Variants in RARB observed in about 807,000 individuals in gnomAD.
RARB encodes the protein HBV-activated protein.
RARB carries 17 observed loss-of-function variants against 51.9 expected under a neutral mutation model. The ratio of observed to expected loss-of-function variants is 0.33; its 90% CI spans 0.22 to 0.49. RARB has a LOEUF of 0.49. Among genes scored for constraint, RARB ranks in the 20% least tolerant of loss-of-function variants. The pLI is 0.99. For synonymous variants in RARB, 215 were observed against 195.4 expected, an observed-to-expected ratio of 1.10 and a Z score of -0.84; for missense variants, 369 against 550.8, an observed-to-expected ratio of 0.67 and a Z score of 3.30.
At chr3:25,104,470 C>T (rs182583259) in intron 3 of RARB, among the ~76,000 whole-genome samples, 119 of 152,110 alleles carry the variant, frequency 7.8e-4, no homozygotes, top group South Asian at 2.3e-3. Flanking sequence ...GGGGGAAAAC[C>T]CATCTCTACT....
chr3:24,865,254 CGT>C (rs1702825402), intron 2 of RARB, among the ~76,000 whole-genome samples: 1 of 152,042 alleles, frequency 6.6e-6, no homozygotes, highest in African/African-American at 2.4e-5. Context: ...CGGAAATTTA[CGT>C]GCACTCAAGT....
At position 25,147,896 on chromosome 3, in the gene RARB, TTCTTCCTAC is replaced by T. The variant is rs111397606; in HGVS notation, c.-280+15689_-280+15697del. 5.9e-5 allele frequency among the ~76,000 whole-genome samples: 9 copies of T among 152,350 alleles called. 1 individual carries two copies. The highest frequency in any genetic ancestry group is 2.2e-4 in the African/African-American group (9 of 41,572). Reference sequence around the variant, plus strand: ...CATACCCTTTCATATTGTCTCCCTCTTCTTCCTACATTGAATACATCTGTAATTGTGAGG... The same window carrying T: ...CATACCCTTTCATATTGTCTCCCTCTATTGAATACATCTGTAATTGTGAGG... On this transcript the variant is annotated intron_variant, in intron 4 of 11. Coordinates refer to the RARB transcript ENST00000383772.
At chr3:25,555,612 C>T (rs1011236372) in intron 3 of RARB, 2 of 152,158 alleles carry the variant, frequency 1.3e-5, no homozygotes. Context: ...TGAATGATCA[C>T]ATTAAGAATT....
At chr3:25,213,368 T>A (rs1701744934) in intron 5 of RARB, among the ~76,000 whole-genome samples, 1 of 152,194 alleles carries the variant, frequency 6.6e-6, no homozygotes, top group South Asian at 2.1e-4. Flanking sequence ...GTTTTTGGGA[T>A]TTATTCATAT....
chr3:25,041,313 C>T lies in RARB; in HGVS notation c.-379-18812C>T, dbSNP rs1001408560. The stretch of plus-strand genomic sequence containing the variant: ...TATTTGATGAATTTTTCTACTGATA[C>T]ATATGATTCACAAGTTTTTTTCAAG... On this transcript the variant is annotated intron_variant, in intron 2 of 11. Coordinates refer to the RARB transcript ENST00000383772. Among the ~76,000 whole-genome samples the T allele has an allele frequency of 2.6e-5, 4 of 152,234 alleles. No individual in the cohort carries two copies. In the East Asian group the frequency reaches 7.7e-4, roughly 29 times the overall value.
intron 3 of RARB, among the ~76,000 whole-genome samples, chr3:25,527,594 G>A (rs1410951101): frequency 6.6e-6 from 1 of 152,158 alleles, no homozygotes; most frequent in Non-Finnish European, 1.5e-5. Context: ...GTTCATACAT[G>A]CTTGTACATG....
At chr3:25,005,488 G>T (rs976524080) in intron 2 of RARB, among the ~76,000 whole-genome samples, 1 of 152,140 alleles carries the variant, frequency 6.6e-6, no homozygotes, top group Non-Finnish European at 1.5e-5. Context: ...TAGGCAGAAA[G>T]TTCCTCACTA....
At chr3:25,486,216 A>G (rs1435328454) in intron 2 of RARB, among the ~76,000 whole-genome samples, 2 of 152,200 alleles carry the variant, frequency 1.3e-5, no homozygotes, top group African/African-American at 4.8e-5. Flanking sequence ...GCTAAGGCTT[A>G]TGTTGGAGAC....
intron 4 of RARB, among the ~76,000 whole-genome samples, chr3:25,163,811 A>T (rs774854257): frequency 1.4e-4 from 21 of 152,070 alleles, no homozygotes; most frequent in Non-Finnish European, 2.5e-4. Flanking sequence ...ACTCTATTCC[A>T]CTAAATTCAG....
chr3:24,957,449 C>T (rs953659278), intron 2 of RARB, among the ~76,000 whole-genome samples: 10 of 152,258 alleles, frequency 6.6e-5, no homozygotes, highest in South Asian at 2.1e-4. Flanking sequence ...AGTGGAGAGA[C>T]GTCAAATGTT....
At position 24,971,016 on chromosome 3, in the gene RARB, G is replaced by A. The variant is rs548355880; in HGVS notation, c.-379-89109G>A. Among the ~76,000 whole-genome samples the A allele has an allele frequency of 9.2e-5, 14 of 151,946 alleles. No individual in the cohort carries two copies. The South Asian group carries it at 2.5e-3, about 27-fold the overall frequency. ...TCATCTTGGTGCTCCCAGTATCATCGTTCTAGTATTCCAATGTACTTTATT... is the reference window on the plus strand; with the variant it reads ...TCATCTTGGTGCTCCCAGTATCATCATTCTAGTATTCCAATGTACTTTATT... On this transcript the variant is annotated intron_variant, in intron 2 of 11. Coordinates refer to the RARB transcript ENST00000383772.
intron 1 of RARB, among the ~76,000 whole-genome samples, chr3:24,829,752 G>C (rs1702255096): frequency 6.6e-6 from 1 of 152,202 alleles, no homozygotes; most frequent in South Asian, 2.1e-4. Context: ...CCCTCCCCAG[G>C]GGCGTGAACC....
intron 4 of RARB, among the ~76,000 whole-genome samples, chr3:25,159,252 C>G (rs1408752470): frequency 6.7e-6 from 1 of 149,336 alleles, no homozygotes; most frequent in African/African-American, 2.5e-5. Context: ...CAACCTCCAC[C>G]TCCCCCTCCC....
chr3:25,409,625 A>C (rs546426604), intron 5 of RARB, among the ~76,000 whole-genome samples: 1 of 152,312 alleles, frequency 6.6e-6, no homozygotes, highest in East Asian at 1.9e-4. Flanking sequence ...TGAAAATTTA[A>C]AAGCACCAAA....
chr3:25,312,267 T>G (rs1200950741), intron 5 of RARB, among the ~76,000 whole-genome samples: 1 of 152,250 alleles, frequency 6.6e-6, no homozygotes, highest in Non-Finnish European at 1.5e-5. Context: ...CTGACTTTTC[T>G]GTAGATTTTG....
intron 4 of RARB, among the ~76,000 whole-genome samples, chr3:25,572,123 G>C (rs922705414): frequency 1.3e-5 from 2 of 152,176 alleles, no homozygotes; most frequent in African/African-American, 4.8e-5. Context: ...ACAGTGGGAA[G>C]GGGCGAAAAG....
chr3:25,016,805 C>T (rs886605566), intron 2 of RARB, among the ~76,000 whole-genome samples: 4 of 152,022 alleles, frequency 2.6e-5, no homozygotes, highest in East Asian at 1.9e-4. Flanking sequence ...AACTCCTATC[C>T]TGTGCCCTCT....
chr3:25,005,448 C>CTT (rs2125277066), intron 2 of RARB, among the ~76,000 whole-genome samples: 2 of 152,266 alleles, frequency 1.3e-5, no homozygotes, highest in South Asian at 4.1e-4. Flanking sequence ...AGGTGACTCG[C>CTT]TTAAAGTGCC....
intron 2 of RARB, among the ~76,000 whole-genome samples, chr3:25,024,420 A>G (rs1481195879): frequency 1.3e-5 from 2 of 152,174 alleles, no homozygotes; most frequent in Non-Finnish European, 2.9e-5. Flanking sequence ...AATTCATATA[A>G]ACTGACATGA....
Sources: allele counts gnomAD v4.1 joint callset (sites outside exome capture counted in the v4.1 genomes callset), GRCh38; gene constraint gnomAD v4.1.1; transcripts MANE v1.5; gene names NCBI Gene and HGNC (gene_info 2026-07-23, HGNC 2026-07-21).